Variants in SUPT3H observed in about 807,000 individuals in gnomAD.
SUPT3H encodes the protein transcription initiation protein SPT3 homolog.
SUPT3H carries 44 observed loss-of-function variants against 44.3 expected under a neutral mutation model. The ratio of observed to expected loss-of-function variants is 0.99; its 90% CI spans 0.78 to 1.28. The LOEUF is 1.28. Ranked by LOEUF, SUPT3H falls within the 50% of genes most tolerant of loss-of-function variation. The pLI is 0.00. For synonymous variants in SUPT3H, 124 were observed against 125.6 expected (o/e 0.99, Z 0.09); for missense variants, 380 against 387.1 (o/e 0.98, Z 0.15).
At chr6:45,251,397 A>ACT (rs1433612793) in intron 2 of SUPT3H, among the ~76,000 whole-genome samples, 1 of 30,080 alleles carries the variant, frequency 3.3e-5, no homozygotes, top group Non-Finnish European at 5.9e-5. Context: ...GAGAAGCTGC[A>ACT]CACACACACA....
chr6:45,015,694 C>A (rs959597861), intron 4 of SUPT3H, among the ~76,000 whole-genome samples: 1 of 151,732 alleles, frequency 6.6e-6, no homozygotes. Flanking sequence ...TGTACAAAAA[C>A]GTTTTTCCTT....
intron 4 of SUPT3H, among the ~76,000 whole-genome samples, chr6:45,020,248 C>A (rs1460816185): frequency 2.6e-5 from 4 of 151,876 alleles, no homozygotes; most frequent in African/African-American, 9.7e-5. Context: ...CTTATGACAA[C>A]AGAACATAGA....
intron 10 of SUPT3H, among the ~76,000 whole-genome samples, chr6:44,917,059 C>T (rs190835890): frequency 3.9e-5 from 6 of 151,986 alleles, no homozygotes; most frequent in South Asian, 4.2e-4. Context: ...GAGGCTGAGG[C>T]GGGAGGATTG....
intron 2 of SUPT3H, among the ~76,000 whole-genome samples, chr6:45,344,874 G>C (rs1014539952): frequency 1.3e-5 from 2 of 152,142 alleles, no homozygotes; most frequent in Non-Finnish European, 2.9e-5. Flanking sequence ...TAATGGTACA[G>C]AATTTTTAAA....
At chr6:45,050,593 C>T (rs1016774814) in intron 3 of SUPT3H, among the ~76,000 whole-genome samples, 8 of 152,038 alleles carry the variant, frequency 5.3e-5, no homozygotes, top group African/African-American at 1.7e-4. Context: ...CTGCAGTATT[C>T]AGTAGAAAAT....
chr6:44,907,452 G>A (rs561130430), intron 10 of SUPT3H, among the ~76,000 whole-genome samples: 1 of 152,274 alleles, frequency 6.6e-6, no homozygotes, highest in South Asian at 2.1e-4. Context: ...TGAGACGGGC[G>A]GATCACCTGA....
chr6:45,288,403 T>G (rs1302024143), intron 2 of SUPT3H, among the ~76,000 whole-genome samples: 2 of 151,906 alleles, frequency 1.3e-5, no homozygotes, highest in Admixed American at 1.3e-4. Flanking sequence ...AAAAATCACA[T>G]ATTCAAACAT....
intron 2 of SUPT3H, among the ~76,000 whole-genome samples, chr6:45,132,728 AT>A (rs1006610718): frequency 1.2e-4 from 19 of 152,190 alleles, no homozygotes; most frequent in Non-Finnish European, 2.5e-4. Flanking sequence ...AAGTGATTCT[AT>A]TCTTAAAAAA....
At chr6:45,375,611 A>G (rs1326354722) in intron 1 of SUPT3H, among the ~76,000 whole-genome samples, 1 of 151,926 alleles carries the variant, frequency 6.6e-6, no homozygotes, top group African/African-American at 2.4e-5. Flanking sequence ...TGGCCTGACC[A>G]TGATTCACTG....
chr6:45,094,942 T>C (rs1292725071), intron 3 of SUPT3H, among the ~76,000 whole-genome samples: 1 of 152,136 alleles, frequency 6.6e-6, no homozygotes, highest in Non-Finnish European at 1.5e-5. Context: ...TATGTGACCA[T>C]ACGTGTGTGT....
intron 2 of SUPT3H, among the ~76,000 whole-genome samples, chr6:45,121,196 C>A (rs1488515740): frequency 6.6e-6 from 1 of 152,076 alleles, no homozygotes; most frequent in East Asian, 1.9e-4. Context: ...CTCTGATTTC[C>A]ATAACCTCTA....
At chr6:45,047,925 AT>A (rs35916783) in intron 3 of SUPT3H, among the ~76,000 whole-genome samples, 27,611 of 146,892 alleles carry the variant, frequency 0.19, 2,896 homozygotes, top group Non-Finnish European at 0.25. Context: ...GTCTTTGCCC[AT>A]TTTTTTTTTT....
intron 10 of SUPT3H, among the ~76,000 whole-genome samples, chr6:44,856,462 AAC>A (rs1773746082): frequency 6.6e-6 from 1 of 152,230 alleles, no homozygotes; most frequent in Admixed American, 6.5e-5. Context: ...AATGAAAATA[AAC>A]AGTTTCAAGT....
rs576343784 is a variant in SUPT3H, at chr6:45,262,731, A to T, written c.101+102470T>A. Among the ~76,000 whole-genome samples, 5 of 152,328 alleles carry T rather than the reference A, an allele frequency of 3.3e-5. No individual in the cohort carries two copies. The South Asian group carries it at 1.0e-3, about 32-fold the overall frequency. On this transcript the variant is annotated intron_variant, in intron 2 of 10. Coordinates refer to ENST00000371459, the MANE Select transcript of SUPT3H (RefSeq NM_003599.4). ...ACAATGTCTCCTACAAAATGGGAGA[A>T]AATATTGGCAAACTATGCATCCGAC... is the stretch of plus-strand genomic sequence containing the variant.
chr6:45,177,848 C>A (rs1253614174), intron 2 of SUPT3H, among the ~76,000 whole-genome samples: 7 of 151,914 alleles, frequency 4.6e-5, no homozygotes, highest in Admixed American at 2.6e-4. Flanking sequence ...GAAATAAAAT[C>A]CTTTACAGAC....
chr6:45,232,644 T>G (rs192692021), intron 2 of SUPT3H, among the ~76,000 whole-genome samples: 3 of 152,296 alleles, frequency 2.0e-5, no homozygotes, highest in Admixed American at 2.0e-4. Context: ...AGTAGTGGGA[T>G]GATCCTCTGG....
At chr6:45,032,304 T>A (rs1009043576) in intron 3 of SUPT3H, among the ~76,000 whole-genome samples, 1 of 152,144 alleles carries the variant, frequency 6.6e-6, no homozygotes, top group East Asian at 1.9e-4. Context: ...TATTTCACTA[T>A]CAGGTTATTA....
chr6:45,229,984 A>T (rs964529832), intron 2 of SUPT3H, among the ~76,000 whole-genome samples: 1 of 151,396 alleles, frequency 6.6e-6, no homozygotes, highest in Non-Finnish European at 1.5e-5. Flanking sequence ...CCTTTCCCCC[A>T]CCCTCCCAAC....
intron 3 of SUPT3H, among the ~76,000 whole-genome samples, chr6:45,090,965 A>G (rs896517270): frequency 2.6e-5 from 4 of 151,946 alleles, no homozygotes; most frequent in Non-Finnish European, 5.9e-5. Flanking sequence ...ATTCTACTAA[A>G]ACTTTTCTTC....
Sources: gnomAD v4.1 joint callset for allele counts (sites outside exome capture counted in the v4.1 genomes callset) on GRCh38, gnomAD v4.1.1 for gene constraint, MANE v1.5 for transcripts, NCBI Gene and HGNC (gene_info 2026-07-23, HGNC 2026-07-21) for gene names.